PCTP: variants seen among roughly 807,000 people sequenced by gnomAD.
PCTP encodes the protein START domain-containing protein 2.
A neutral mutation model predicts 31.0 loss-of-function variants in PCTP; 27 were observed. The ratio of observed to expected loss-of-function variants is 0.87; its 90% confidence interval spans 0.64 to 1.20. The LOEUF (loss-of-function observed/expected upper bound fraction) is 1.20. PCTP is among the 50% of genes most tolerant of loss of function. The pLI, the probability that PCTP is intolerant of heterozygous loss-of-function variation, is 0.00. For synonymous variants in PCTP, 108 were observed against 101.2 expected (o/e 1.07, Z -0.40); for missense variants, 287 against 268.2 (o/e 1.07, Z -0.49).
At chr17:55,812,821 C>T (rs1912795373) in intron 3 of PCTP, among the ~76,000 whole-genome samples, 2 of 152,188 alleles carry the variant, frequency 1.3e-5, no homozygotes, top group African/African-American at 4.8e-5. Flanking sequence ...GGGTGCTTTG[C>T]CAAGGCTTTG....
intron 5 of PCTP, among the ~76,000 whole-genome samples, chr17:55,829,226 A>G (rs1905512364): frequency 6.6e-6 from 1 of 151,890 alleles, no homozygotes; most frequent in African/African-American, 2.4e-5. Context: ...AAAAAAAAAA[A>G]TAAAGACATA....
At chr17:55,790,075 C>T (rs1465884695) in intron 3 of PCTP, among the ~76,000 whole-genome samples, 6 of 152,118 alleles carry the variant, frequency 3.9e-5, no homozygotes, top group Non-Finnish European at 7.4e-5. Context: ...TCAATAGATG[C>T]AGAAAAGGCC....
At chr17:55,762,286 G>A (rs1347176572) in intron 1 of PCTP, among the ~76,000 whole-genome samples, 3 of 152,104 alleles carry the variant, frequency 2.0e-5, no homozygotes, top group African/African-American at 7.2e-5. Flanking sequence ...TGATCAGTGG[G>A]GGTGGGCAGC....
chr17:55,783,255 C>A (rs554228335), intron 2 of PCTP, among the ~76,000 whole-genome samples: 1 of 151,888 alleles, frequency 6.6e-6, no homozygotes, highest in African/African-American at 2.4e-5. Flanking sequence ...ATACTAGCCC[C>A]GTAAAAGTCT....
chr17:55,803,758 T>G (rs1000714505), intron 3 of PCTP, among the ~76,000 whole-genome samples: 53 of 152,220 alleles, frequency 3.5e-4, no homozygotes, highest in Admixed American at 3.5e-3. Context: ...ATAAAAACCC[T>G]GGAAGAATAC....
At chr17:55,804,459 C>T (rs1392130847) in intron 3 of PCTP, among the ~76,000 whole-genome samples, 2 of 152,144 alleles carry the variant, frequency 1.3e-5, no homozygotes, top group African/African-American at 2.4e-5. Context: ...GACTTGGGAC[C>T]AATCCAAATG....
the PCTP span, among the ~76,000 whole-genome samples, chr17:55,852,172 A>C: frequency 6.6e-6 from 1 of 152,236 alleles, no homozygotes; most frequent in African/African-American, 2.4e-5. Context: ...AATATATACT[A>C]GAATCTCAGA....
In PCTP at chr17:55,839,876, C is replaced by T. The variant is rs1240950067; in HGVS notation, n.506-2851C>T. Among the ~76,000 whole-genome samples the T allele has an allele frequency of 5.0e-5, 7 of 139,838 alleles. 2 individuals are homozygous for T. In the Middle Eastern group the frequency reaches 0.017, roughly 342 times the overall value. The allele number at this position is 139,838 out of a possible 152,430, so 91.7% of individuals were successfully genotyped here. On this transcript the variant is annotated intron_variant and non_coding_transcript_variant, in intron 5 of 5. Coordinates refer to the PCTP transcript ENST00000576221. ...CGGAGCTTGCAGTGAGCCGAGATCC[C>T]GCCACTGCACTCCAGCCTGGGCGAC...
chr17:55,792,345 A>G (rs1476757437), intron 3 of PCTP, among the ~76,000 whole-genome samples: 2 of 151,680 alleles, frequency 1.3e-5, no homozygotes, highest in African/African-American at 4.8e-5. Flanking sequence ...AGAAAAAACC[A>G]CACATACTCA....
At chr17:55,806,789 A>G (rs907513126) in intron 3 of PCTP, among the ~76,000 whole-genome samples, 2 of 152,170 alleles carry the variant, frequency 1.3e-5, no homozygotes, top group Non-Finnish European at 2.9e-5. Context: ...TATTTATACA[A>G]GATTGTGTCT....
chr17:55,752,419 A>C (rs970562947), intron 1 of PCTP, among the ~76,000 whole-genome samples: 1 of 152,208 alleles, frequency 6.6e-6, no homozygotes, highest in African/African-American at 2.4e-5. Context: ...AAATAACTCT[A>C]CAATGCACAG....
At chr17:55,799,940 C>A (rs1005114776) in intron 3 of PCTP, among the ~76,000 whole-genome samples, 4 of 152,120 alleles carry the variant, frequency 2.6e-5, no homozygotes, top group Non-Finnish European at 5.9e-5. Flanking sequence ...GCTGAGAGAT[C>A]TGCTGTTAGT....
chr17:55,845,043 C>T (rs1256727800), downstream of PCTP, among the ~76,000 whole-genome samples: 2 of 138,374 alleles, frequency 1.4e-5, no homozygotes, highest in African/African-American at 5.5e-5. Flanking sequence ...ACCAAGAATG[C>T]GCCATTGCAC....
intron 3 of PCTP, among the ~76,000 whole-genome samples, chr17:55,814,443 C>A (rs751040192): frequency 6.6e-6 from 1 of 152,258 alleles, no homozygotes; most frequent in Admixed American, 6.5e-5. Flanking sequence ...TTGGCAGACA[C>A]TGAGCAGCTG....
At chr17:55,795,281 G>T (rs1338147341) in intron 3 of PCTP, among the ~76,000 whole-genome samples, 1 of 152,044 alleles carries the variant, frequency 6.6e-6, no homozygotes, top group Non-Finnish European at 1.5e-5. Context: ...ACTTCACGTA[G>T]TCTGACTGCT....
At chr17:55,802,961 C>T (rs1335930053) in intron 3 of PCTP, among the ~76,000 whole-genome samples, 1 of 152,186 alleles carries the variant, frequency 6.6e-6, no homozygotes, top group Non-Finnish European at 1.5e-5. Context: ...AAGCAAACCC[C>T]ATCGTCTCAG....
chr17:55,813,823 T>A (rs1445659957), intron 3 of PCTP, among the ~76,000 whole-genome samples: 1 of 152,138 alleles, frequency 6.6e-6, no homozygotes, highest in African/African-American at 2.4e-5. Flanking sequence ...CCAGAGGATC[T>A]CTTGAGCCCA....
intron 3 of PCTP, among the ~76,000 whole-genome samples, chr17:55,799,407 T>TTC (rs561814956): frequency 1.3e-4 from 19 of 151,850 alleles, no homozygotes; most frequent in Admixed American, 8.5e-4. Context: ...TTTTTTTTTT[T>TTC]TCGCTTTCCA....
chr17:55,764,039 A>G (rs1047450404), intron 1 of PCTP, among the ~76,000 whole-genome samples: 1 of 152,158 alleles, frequency 6.6e-6, no homozygotes, highest in African/African-American at 2.4e-5. Context: ...CACGCAAATT[A>G]TGGTTGTTCT....
Sources: gnomAD v4.1 joint callset for allele counts (sites outside exome capture counted in the v4.1 genomes callset) on GRCh38, gnomAD v4.1.1 for gene constraint, MANE v1.5 for transcripts, NCBI Gene and HGNC (gene_info 2026-07-23, HGNC 2026-07-21) for gene names.